SORCS1: variants seen among roughly 807,000 people sequenced by gnomAD.
SORCS1 encodes VPS10 domain-containing receptor SorCS1.
SORCS1 carries 60 observed loss-of-function variants against 146.1 expected under a neutral mutation model. The observed-to-expected ratio is 0.41, with a 90% CI of 0.33 to 0.51. SORCS1 has a LOEUF of 0.51. Ranked by LOEUF, SORCS1 falls within the 20% of genes least tolerant of loss-of-function variation. SORCS1 has a pLI of 0.21. For missense variants in SORCS1, 1,352 were observed against 1,487.6 expected, an observed-to-expected ratio of 0.91 and a Z score of 1.50; for synonymous variants, 637 against 584.0, an observed-to-expected ratio of 1.09 and a Z score of -1.31.
Position 107,164,101 on chromosome 10 carries a change from A to C in SORCS1, c.426T>G (p.Thr142=), listed in dbSNP as rs1554966360. ...LRDGGQQEPG[T]RERDPDKATR... is the part of the protein sequence containing the mutation. ...TGGCTTTGTCCGGGTCCCGCTCCCG[A>C]GTCCCAGGCTCCTGCTGCCCTCCAT... is the stretch of plus-strand genomic sequence containing the variant. Residue 142 remains threonine (T), a synonymous_variant, in exon 1 of 26, where the codon ACT becomes ACG. Coordinates refer to ENST00000263054, the MANE Select transcript of SORCS1 (RefSeq NM_052918.5). The surrounding 1 kb of genome is among the most constrained non-coding windows in gnomAD (Gnocchi z 6.8). 2 of 1,613,840 alleles carry C rather than the reference A, an allele frequency of 1.2e-6. No individual in the cohort carries two copies. Among genetic ancestry groups the C allele is most frequent in the Non-Finnish European group, 1.7e-6 (2 of 1,179,978 alleles).
At chr10:107,137,910 T>A (rs11193211) in intron 1 of SORCS1, among the ~76,000 whole-genome samples, 6,088 of 152,114 alleles carry the variant, frequency 0.04, 302 homozygotes, top group African/African-American at 0.12. Flanking sequence ...TACGCTTTTT[T>A]AACTACTCAA....
At chr10:107,133,550 T>C (rs1292146404) in intron 1 of SORCS1, among the ~76,000 whole-genome samples, 1 of 152,118 alleles carries the variant, frequency 6.6e-6, no homozygotes, top group African/African-American at 2.4e-5. Flanking sequence ...GCAGTACATT[T>C]GGGGGTATCA....
chr10:106,750,816 T>C (rs1589801320), intron 5 of SORCS1, among the ~76,000 whole-genome samples: 1 of 142,562 alleles, frequency 7.0e-6, no homozygotes, highest in Non-Finnish European at 1.5e-5. Context: ...TCCCAGCACT[T>C]TGGGAGGCCG....
intron 3 of SORCS1, among the ~76,000 whole-genome samples, chr10:106,799,820 T>C (rs954474645): frequency 6.6e-5 from 10 of 152,234 alleles, no homozygotes; most frequent in African/African-American, 2.2e-4. Context: ...GAAGACAGTG[T>C]GGCGATTCCT....
At chr10:107,026,848 C>T (rs76229557) in intron 1 of SORCS1, among the ~76,000 whole-genome samples, 4,744 of 151,588 alleles carry the variant, frequency 0.031, 204 homozygotes, top group African/African-American at 0.099. Context: ...AGTTAAAGAG[C>T]GGATTGTCAA....
intron 18 of SORCS1, among the ~76,000 whole-genome samples, chr10:106,651,331 C>A (rs1437612413): frequency 6.6e-6 from 1 of 152,152 alleles, no homozygotes; most frequent in Non-Finnish European, 1.5e-5. Flanking sequence ...TTCTCTATAC[C>A]CCAGCCTTGC....
chr10:106,832,523 A>T (rs570494451), intron 2 of SORCS1, among the ~76,000 whole-genome samples: 1 of 151,606 alleles, frequency 6.6e-6, no homozygotes, highest in Non-Finnish European at 1.5e-5. Flanking sequence ...CTTTTTTTCC[A>T]TTCTTATCTT....
chr10:107,066,537 A>C (rs556042206), intron 1 of SORCS1, among the ~76,000 whole-genome samples: 2 of 152,212 alleles, frequency 1.3e-5, no homozygotes, highest in Admixed American at 6.5e-5. Context: ...AAACGAGTCT[A>C]TTGCACTAGA....
At chr10:106,754,195 T>C (rs965781654) in intron 5 of SORCS1, among the ~76,000 whole-genome samples, 3 of 152,198 alleles carry the variant, frequency 2.0e-5, no homozygotes, top group Admixed American at 2.0e-4. Context: ...CCCATAAGAT[T>C]TAATGCTAGG....
intron 19 of SORCS1, among the ~76,000 whole-genome samples, chr10:106,621,399 G>C (rs982284565): frequency 1.3e-5 from 2 of 151,738 alleles, no homozygotes; most frequent in Non-Finnish European, 2.9e-5. Context: ...GTAGAGGAGA[G>C]AGCAATACCT....
rs543414115 is a variant in SORCS1, at chr10:106,737,634, C to T, written c.960-7520G>A. Among the ~76,000 whole-genome samples, 6 of 152,018 alleles carry T rather than the reference C, an allele frequency of 3.9e-5. No individual in the cohort carries two copies. The East Asian group carries it at 1.2e-3, about 30-fold the overall frequency. ...CAGCTACTCAGGAGGCTGAGGCAGG[C>T]GAATTGCTTGAACTCAGGAGGCAGG... On this transcript the variant is annotated intron_variant, in intron 5 of 25. Transcript: ENST00000263054.
In SORCS1 at chr10:107,067,231, T is replaced by C. The variant is rs79872519; in HGVS notation, c.558+96738A>G. On this transcript the variant is annotated intron_variant, in intron 1 of 25. Coordinates refer to ENST00000263054, the MANE Select transcript of SORCS1 (RefSeq NM_052918.5). ...TTTCTCCTTACTCCTTACTGACATA[T>C]TAATAGTTTCCCTGGATTCAAATCC... Among the ~76,000 whole-genome samples, 88 of 152,260 alleles carry C rather than the reference T, an allele frequency of 5.8e-4. 2 individuals carry two copies. In the East Asian group the frequency reaches 0.016, roughly 27 times the overall value.
At chr10:106,851,639 T>G (rs1949578682) in intron 2 of SORCS1, among the ~76,000 whole-genome samples, 2 of 152,228 alleles carry the variant, frequency 1.3e-5, no homozygotes. Flanking sequence ...AGGCAGTGAG[T>G]GCTCCAATTT....
chr10:107,036,275 A>G (rs1958902225), intron 1 of SORCS1, among the ~76,000 whole-genome samples: 1 of 152,246 alleles, frequency 6.6e-6, no homozygotes, highest in Admixed American at 6.5e-5. Flanking sequence ...AGGTATTCTA[A>G]GTAATCTACA....
intron 5 of SORCS1, among the ~76,000 whole-genome samples, chr10:106,744,095 TTTTA>T (rs528149960): frequency 1.3e-5 from 2 of 152,182 alleles, no homozygotes; most frequent in African/African-American, 2.4e-5. Context: ...ATCGTTTTAC[TTTTA>T]TTTATTTATT....
chr10:106,965,015 T>G (rs1955435381), intron 1 of SORCS1, among the ~76,000 whole-genome samples: 1 of 151,398 alleles, frequency 6.6e-6, no homozygotes, highest in Admixed American at 6.6e-5. Flanking sequence ...AAGTGGTTCA[T>G]TATGTCATAT....
chr10:107,011,422 CCAGA>C (rs1287384377), intron 1 of SORCS1, among the ~76,000 whole-genome samples: 23 of 152,220 alleles, frequency 1.5e-4, no homozygotes, highest in Non-Finnish European at 2.5e-4. Context: ...ATGTTTGTCT[CCAGA>C]CAAATTCATG....
At chr10:107,016,096 C>G (rs779923738) in intron 1 of SORCS1, among the ~76,000 whole-genome samples, 1 of 152,148 alleles carries the variant, frequency 6.6e-6, no homozygotes, top group African/African-American at 2.4e-5. Flanking sequence ...GAGAGCTACA[C>G]TACCAGATAT....
chr10:107,036,676 T>A (rs1201884800), intron 1 of SORCS1, among the ~76,000 whole-genome samples: 1 of 152,188 alleles, frequency 6.6e-6, no homozygotes, highest in Admixed American at 6.5e-5. Flanking sequence ...GAGCTATACC[T>A]GATAGAACAG....
Sources: allele counts gnomAD v4.1 joint callset (sites outside exome capture counted in the v4.1 genomes callset), GRCh38; gene constraint gnomAD v4.1.1; non-coding constraint Gnocchi (gnomAD v3.1); transcripts MANE v1.5; gene names NCBI Gene and HGNC (gene_info 2026-07-23, HGNC 2026-07-21).